The following EPM2A variants were observed in gnomAD, a reference collection of about 807,000 sequenced individuals.
EPM2A encodes laforin.
A neutral mutation model predicts 26.5 loss-of-function variants in EPM2A; 21 were observed. The ratio of observed to expected loss-of-function variants is 0.79; its 90% CI spans 0.56 to 1.14. The LOEUF (loss-of-function observed/expected upper bound fraction) is 1.14, where lower values mean the gene tolerates loss of function less well. Ranked by LOEUF, EPM2A falls within the 50% of genes most tolerant of loss-of-function variation. The probability of loss-of-function intolerance (pLI) is 0.00; values close to 1 mark genes in which losing one functional copy is unlikely to be tolerated. For missense variants in EPM2A, 458 were observed against 440.8 expected (o/e 1.04, Z -0.35); for synonymous variants, 217 against 177.6 (o/e 1.22, Z -1.76).
intron 4 of EPM2A, among the ~76,000 whole-genome samples, chr6:145,469,810 GT>G (rs750051871): frequency 2.6e-5 from 4 of 152,038 alleles, no homozygotes; most frequent in African/African-American, 4.8e-5. Context: ...AAAATATTGT[GT>G]TTATACACAA....
intron 4 of EPM2A, among the ~76,000 whole-genome samples, chr6:145,386,822 G>T (rs992886663): frequency 2.0e-5 from 3 of 152,148 alleles, no homozygotes; most frequent in Admixed American, 6.6e-5. Flanking sequence ...ACCAAATTTT[G>T]TCATCTCTCA....
chr6:145,735,136 C>T, intron 1 of EPM2A, 62 bp downstream of exon 1: 5 of 1,317,910 alleles, frequency 3.8e-6, no homozygotes, highest in Non-Finnish European at 4.1e-6. Flanking sequence ...GCCGAGGCCC[C>T]GGTTGGGGGT....
At position 145,695,841 on chromosome 6, in the gene EPM2A, G is replaced by A. The variant is rs137876461; in HGVS notation, c.302-9545C>T. 1.7e-3 allele frequency among the ~76,000 whole-genome samples: 261 copies of A among 152,112 alleles called. 3 individuals are homozygous for A. The East Asian group carries it at 0.036, about 21-fold the overall frequency. ...GATAGACTGAAATACTGTAATAGTA[G>A]GGGACTTTAATACTCCACTTTCAGC... On this transcript the variant is annotated intron_variant, in intron 1 of 3. Coordinates refer to ENST00000367519, the MANE Select transcript of EPM2A (RefSeq NM_005670.4).
chr6:145,492,934 C>A (rs1253860346), intron 4 of EPM2A, among the ~76,000 whole-genome samples: 1 of 152,214 alleles, frequency 6.6e-6, no homozygotes, highest in Non-Finnish European at 1.5e-5. Context: ...TCACTTTGGG[C>A]TGCTGTTCCA....
intron 2 of EPM2A, among the ~76,000 whole-genome samples, chr6:145,559,665 CT>C (rs1273227972): frequency 7.3e-6 from 1 of 137,086 alleles, no homozygotes; most frequent in Non-Finnish European, 1.5e-5. Context: ...TCCAATAATA[CT>C]TTCTCCTTTT....
chr6:145,645,335 G>T (rs1024203014), intron 2 of EPM2A, among the ~76,000 whole-genome samples: 12 of 152,016 alleles, frequency 7.9e-5, no homozygotes, highest in African/African-American at 2.9e-4. Context: ...TGAGACAGGG[G>T]TCCCTTTATT....
At chr6:145,462,858 C>G (rs1274664921) in intron 4 of EPM2A, among the ~76,000 whole-genome samples, 2 of 152,098 alleles carry the variant, frequency 1.3e-5, no homozygotes. Flanking sequence ...GCTCCAAATG[C>G]AAATCAAGTA....
At chr6:145,504,434 G>T (rs1291318733) in intron 2 of EPM2A, among the ~76,000 whole-genome samples, 1 of 135,968 alleles carries the variant, frequency 7.4e-6, no homozygotes, top group African/African-American at 2.7e-5. Flanking sequence ...AGTGGGCAAA[G>T]GACATGAACA....
intron 2 of EPM2A, among the ~76,000 whole-genome samples, chr6:145,609,551 C>T (rs955119575): frequency 6.6e-6 from 1 of 152,174 alleles, no homozygotes; most frequent in Non-Finnish European, 1.5e-5. Context: ...GCTATGGCTG[C>T]CTTTCTCTTT....
intron 2 of EPM2A, among the ~76,000 whole-genome samples, chr6:145,577,989 A>C (rs182578639): frequency 2.0e-5 from 3 of 152,122 alleles, no homozygotes; most frequent in Non-Finnish European, 4.4e-5. Context: ...AAATTTAAAA[A>C]TTTCTTGAAT....
intron 1 of EPM2A, among the ~76,000 whole-genome samples, chr6:145,723,746 T>C (rs755418944): frequency 6.1e-4 from 93 of 152,052 alleles, no homozygotes; most frequent in Non-Finnish European, 2.6e-4. Context: ...TTCCAAACCA[T>C]GACATAGGGA....
At chr6:145,565,591 T>G (rs1180961001) in intron 2 of EPM2A, among the ~76,000 whole-genome samples, 3 of 152,136 alleles carry the variant, frequency 2.0e-5, no homozygotes, top group Non-Finnish European at 4.4e-5. Flanking sequence ...ACCAAGAAAC[T>G]TCACAGTAAT....
chr6:145,509,846 A>T (rs1780029707), intron 2 of EPM2A, among the ~76,000 whole-genome samples: 1 of 152,214 alleles, frequency 6.6e-6, no homozygotes, highest in Non-Finnish European at 1.5e-5. Flanking sequence ...GATCTATCTC[A>T]CATGTAATGA....
chr6:145,621,138 C>T (rs190388696), downstream of EPM2A, among the ~76,000 whole-genome samples: 662 of 152,314 alleles, frequency 4.3e-3, 5 homozygotes, highest in African/African-American at 0.014. Flanking sequence ...ATTTTATTCA[C>T]TGTTACATGA....
intron 1 of EPM2A, among the ~76,000 whole-genome samples, chr6:145,702,931 T>C (rs532350134): frequency 6.6e-6 from 1 of 152,182 alleles, no homozygotes; most frequent in South Asian, 2.1e-4. Context: ...TCTATTTTTA[T>C]AAAATAACTT....
chr6:145,668,742 GACTTTTCCCTCA>G (rs1779424036), intron 2 of EPM2A, among the ~76,000 whole-genome samples: 1 of 152,148 alleles, frequency 6.6e-6, no homozygotes, highest in Non-Finnish European at 1.5e-5. Context: ...TGTGTGAGAT[GACTTTTCCCTCA>G]TAGTCAGAAG....
chr6:145,392,036 A>G (rs537381942), intron 4 of EPM2A, among the ~76,000 whole-genome samples: 14 of 152,260 alleles, frequency 9.2e-5, no homozygotes, highest in African/African-American at 2.9e-4. Flanking sequence ...GTCAGCCACC[A>G]TCAGAAACCC....
intron 4 of EPM2A, among the ~76,000 whole-genome samples, chr6:145,491,342 G>A (rs1312896103): frequency 6.6e-6 from 1 of 152,174 alleles, no homozygotes; most frequent in Non-Finnish European, 1.5e-5. Context: ...AGCGGGCGCA[G>A]GAGTCAGGGC....
chr6:145,449,582 G>C (rs1324581842), intron 4 of EPM2A, among the ~76,000 whole-genome samples: 1 of 152,212 alleles, frequency 6.6e-6, no homozygotes, highest in Non-Finnish European at 1.5e-5. Flanking sequence ...CATGGGGAAA[G>C]AGCTTTGCTA....
Sources: gnomAD v4.1 joint callset for allele counts (sites outside exome capture counted in the v4.1 genomes callset) on GRCh38, gnomAD v4.1.1 for gene constraint, MANE v1.5 for transcripts, NCBI Gene and HGNC (gene_info 2026-07-23, HGNC 2026-07-21) for gene names.